Variants in TAFA2 observed in about 807,000 individuals in gnomAD.
TAFA2 encodes the protein TAFA chemokine like family member 2.
In TAFA2, 7 loss-of-function variants were observed where a neutral mutation model predicts 18.8. The observed-to-expected ratio is 0.37, with a 90% confidence interval of 0.21 to 0.70. TAFA2 has a LOEUF of 0.70. TAFA2 is among the 30% of genes least tolerant of loss of function. The pLI, the probability that TAFA2 is intolerant of heterozygous loss-of-function variation, is 0.53. For synonymous variants in TAFA2, 60 were observed against 54.2 expected, an observed-to-expected ratio of 1.11 and a Z score of -0.47; for missense variants, 122 against 158.1, an observed-to-expected ratio of 0.77 and a Z score of 1.23.
intron 2 of TAFA2, among the ~76,000 whole-genome samples, chr12:61,757,171 G>GT (rs2120773583): frequency 6.6e-6 from 1 of 152,200 alleles, no homozygotes; most frequent in Non-Finnish European, 1.5e-5. Flanking sequence ...ATGAAGAGGT[G>GT]TAGGAGTCTC....
chr12:62,206,929 T>C (rs2062694146), intron 1 of TAFA2: 1 of 152,234 alleles, frequency 6.6e-6, no homozygotes, highest in Non-Finnish European at 1.5e-5. Context: ...GAATATGTTA[T>C]AAATGGCTCC....
chr12:61,942,295 C>A (rs1878065906), intron 1 of TAFA2, among the ~76,000 whole-genome samples: 1 of 146,964 alleles, frequency 6.8e-6, no homozygotes, highest in Non-Finnish European at 1.5e-5. Flanking sequence ...CACCGAAAAC[C>A]CATCTGTACA....
intron 2 of TAFA2, among the ~76,000 whole-genome samples, chr12:61,853,933 GC>G (rs1873781808): frequency 6.6e-6 from 1 of 152,070 alleles, no homozygotes; most frequent in Admixed American, 6.6e-5. Flanking sequence ...AACAACTTAA[GC>G]CAAGAAGTAA....
intron 1 of TAFA2, among the ~76,000 whole-genome samples, chr12:62,098,892 G>A (rs534388387): frequency 2.0e-4 from 30 of 152,208 alleles, no homozygotes; most frequent in African/African-American, 7.2e-4. Flanking sequence ...AGTTCTAGCA[G>A]CAGAAATTAA....
intron 1 of TAFA2, among the ~76,000 whole-genome samples, chr12:62,134,706 C>A (rs1870827604): frequency 1.3e-5 from 2 of 152,056 alleles, no homozygotes; most frequent in African/African-American, 2.4e-5. Context: ...GGGAGCACGT[C>A]CATCTAGTTA....
chr12:61,967,860 A>G (rs1047136915), intron 1 of TAFA2, among the ~76,000 whole-genome samples: 1 of 151,860 alleles, frequency 6.6e-6, no homozygotes, highest in Non-Finnish European at 1.5e-5. Context: ...TCCAATAAAG[A>G]AGATTAGAGT....
chr12:62,066,162 T>C (rs1481654820), intron 1 of TAFA2, among the ~76,000 whole-genome samples: 1 of 149,990 alleles, frequency 6.7e-6, no homozygotes, highest in Non-Finnish European at 1.5e-5. Flanking sequence ...TGTGTGTACA[T>C]AGTAGGGTAT....
At chr12:61,815,274 T>G (rs1437587986) in intron 2 of TAFA2, among the ~76,000 whole-genome samples, 1 of 151,312 alleles carries the variant, frequency 6.6e-6, no homozygotes, top group Non-Finnish European at 1.5e-5. Context: ...GATTGTAGAG[T>G]AAACCAGTTT....
intron 1 of TAFA2, among the ~76,000 whole-genome samples, chr12:62,214,908 C>T (rs567280258): frequency 2.3e-4 from 35 of 152,244 alleles, no homozygotes; most frequent in African/African-American, 8.4e-4. Flanking sequence ...TGCCTCAAAG[C>T]AGTGATAAGA....
chr12:61,728,836 C>T (rs956331340), intron 4 of TAFA2, among the ~76,000 whole-genome samples: 7 of 151,722 alleles, frequency 4.6e-5, no homozygotes, highest in Admixed American at 3.9e-4. Context: ...TTTATAGTCC[C>T]TGTAAGATTT....
At chr12:62,046,567 A>G (rs144842226) in intron 1 of TAFA2, among the ~76,000 whole-genome samples, 65 of 152,266 alleles carry the variant, frequency 4.3e-4, no homozygotes, top group African/African-American at 1.5e-3. Context: ...CTGTCTACAC[A>G]GAATAAATCT....
chr12:61,953,850 C>T (rs565510516), intron 1 of TAFA2, among the ~76,000 whole-genome samples: 22 of 152,210 alleles, frequency 1.4e-4, no homozygotes, highest in Admixed American at 1.3e-4. Context: ...TAGGACATTT[C>T]GCTAATAGTG....
At chr12:61,842,869 C>T (rs80350682) in intron 2 of TAFA2, among the ~76,000 whole-genome samples, 4,450 of 152,148 alleles carry the variant, frequency 0.029, 227 homozygotes, top group African/African-American at 0.1. Flanking sequence ...CAAATCCTCT[C>T]TCTGAGAAAT....
chr12:62,061,920 C>T (rs548563609), intron 1 of TAFA2, among the ~76,000 whole-genome samples: 51 of 152,096 alleles, frequency 3.4e-4, no homozygotes, highest in South Asian at 1.0e-3. Context: ...ATTGTAAGAG[C>T]GGAGAAGACG....
intron 1 of TAFA2, among the ~76,000 whole-genome samples, chr12:61,926,744 T>C (rs965047240): frequency 1.3e-5 from 2 of 152,120 alleles, no homozygotes; most frequent in African/African-American, 4.8e-5. Flanking sequence ...AATATCATAC[T>C]GAATGGGCAA....
chr12:61,747,565 G>A (rs1868782810), intron 4 of TAFA2, among the ~76,000 whole-genome samples: 1 of 150,600 alleles, frequency 6.6e-6, no homozygotes, highest in African/African-American at 2.5e-5. Flanking sequence ...GTCCTTTGTA[G>A]GGACATGGAT....
At chr12:62,125,983 TTTTTTCGCATATA>T (rs1233407058) in intron 1 of TAFA2, among the ~76,000 whole-genome samples, 1 of 152,056 alleles carries the variant, frequency 6.6e-6, no homozygotes, top group East Asian at 1.9e-4. Context: ...TATAATAAAT[TTTTTTCGCATATA>T]TTAGAATCCA....
chr12:62,208,029 GTCT>G (rs2062699369), intron 1 of TAFA2, among the ~76,000 whole-genome samples: 1 of 152,114 alleles, frequency 6.6e-6, no homozygotes, highest in African/African-American at 2.4e-5. Context: ...GGCAATCTTG[GTCT>G]CATTCCCTGG....
intron 1 of TAFA2, among the ~76,000 whole-genome samples, chr12:62,097,054 T>C (rs1213659040): frequency 6.6e-6 from 1 of 152,170 alleles, no homozygotes; most frequent in Non-Finnish European, 1.5e-5. Flanking sequence ...GTTGCAGCTG[T>C]GTCTAATTCC....
Sources: gnomAD v4.1 joint callset for allele counts (sites outside exome capture counted in the v4.1 genomes callset) on GRCh38, gnomAD v4.1.1 for gene constraint, MANE v1.5 for transcripts, NCBI Gene and HGNC (gene_info 2026-07-23, HGNC 2026-07-21) for gene names.